Variants in ENTREP1 observed in about 807,000 individuals in gnomAD.
ENTREP1 encodes Friedreich ataxia region gene X123.
the ENTREP1 span, among the ~76,000 whole-genome samples, chr9:69,340,733 G>A: frequency 0.6 from 70,647 of 117,904 alleles, 21,402 homozygotes; most frequent in African/African-American, 0.68. Context: ...ATGTGTGTGT[G>A]TATGTGTGTG....
At chr9:69,388,177 T>G in the ENTREP1 span, 1 of 1,614,044 alleles carries the variant, frequency 6.2e-7, no homozygotes, top group South Asian at 1.1e-5. Flanking sequence ...TGCTCAGCTG[T>G]GAAGCTGCAA....
the ENTREP1 span, among the ~76,000 whole-genome samples, chr9:69,365,384 G>T: frequency 6.6e-6 from 1 of 152,018 alleles, no homozygotes; most frequent in Non-Finnish European, 1.5e-5. Context: ...TTAAAAAATT[G>T]ATACATAATA....
the ENTREP1 span, among the ~76,000 whole-genome samples, chr9:69,327,467 A>G: frequency 6.6e-6 from 1 of 152,180 alleles, no homozygotes; most frequent in Admixed American, 6.5e-5. Flanking sequence ...ATCATAATCT[A>G]TTGTCTTCTC....
chr9:69,384,185 C>T, the ENTREP1 span, among the ~76,000 whole-genome samples: 1 of 144,372 alleles, frequency 6.9e-6, no homozygotes, highest in South Asian at 2.3e-4. Context: ...TGGAGAGAGA[C>T]CCTATTTCTA....
At chr9:69,367,933 G>A in the ENTREP1 span, among the ~76,000 whole-genome samples, 6 of 141,262 alleles carry the variant, frequency 4.2e-5, no homozygotes, top group Admixed American at 1.5e-4. Context: ...ATATATACAC[G>A]TACATATATG....
chr9:69,330,250 G>C, the ENTREP1 span, among the ~76,000 whole-genome samples: 1 of 152,168 alleles, frequency 6.6e-6, no homozygotes, highest in Non-Finnish European at 1.5e-5. Flanking sequence ...TGAAAGAGGA[G>C]AGAGAGTTGC....
the ENTREP1 span, chr9:69,385,866 C>G: frequency 6.2e-7 from 1 of 1,610,014 alleles, no homozygotes; most frequent in African/African-American, 1.4e-5. Flanking sequence ...CCTGGTGCGT[C>G]CTATCAGAAG....
At chr9:69,347,474 A>G in the ENTREP1 span, among the ~76,000 whole-genome samples, 1 of 152,224 alleles carries the variant, frequency 6.6e-6, no homozygotes, top group African/African-American at 2.4e-5. Context: ...AAAAAGGGAA[A>G]CAGAGCAGAT....
the ENTREP1 span, among the ~76,000 whole-genome samples, chr9:69,355,277 C>T: frequency 2.6e-5 from 4 of 152,266 alleles, no homozygotes; most frequent in East Asian, 1.9e-4. Flanking sequence ...ATCATTTGTT[C>T]GGTCACTCAG....
the ENTREP1 span, among the ~76,000 whole-genome samples, chr9:69,372,142 T>C: frequency 6.6e-6 from 1 of 152,178 alleles, no homozygotes; most frequent in East Asian, 1.9e-4. Flanking sequence ...GAGTAAGAGG[T>C]TGTGGACTTG....
chr9:69,354,071 T>G, the ENTREP1 span, among the ~76,000 whole-genome samples: 1 of 152,020 alleles, frequency 6.6e-6, no homozygotes, highest in Admixed American at 6.6e-5. Context: ...TCCTTAAATA[T>G]TTTAGTATAT....
At chr9:69,386,573 TAAAG>T in the ENTREP1 span, 3 of 152,146 alleles carry the variant, frequency 2.0e-5, no homozygotes, top group African/African-American at 4.8e-5. Flanking sequence ...TTATAAAAAA[TAAAG>T]AAACTAAAGG....
At chr9:69,374,394 C>T in the ENTREP1 span, among the ~76,000 whole-genome samples, 1 of 152,000 alleles carries the variant, frequency 6.6e-6, no homozygotes, top group Non-Finnish European at 1.5e-5. Context: ...CTGGATGATG[C>T]GGTGCTAAAG....
the ENTREP1 span, among the ~76,000 whole-genome samples, chr9:69,337,903 ATTG>A: frequency 6.6e-6 from 1 of 152,198 alleles, no homozygotes; most frequent in Admixed American, 6.5e-5. Context: ...TCTGAAACAG[ATTG>A]TTGTTTGCTA....
chr9:69,373,901 T>C, the ENTREP1 span, among the ~76,000 whole-genome samples: 1 of 152,206 alleles, frequency 6.6e-6, no homozygotes, highest in African/African-American at 2.4e-5. Flanking sequence ...TTGACAAATG[T>C]ATACACTCAT....
chr9:69,326,643 T>A, the ENTREP1 span, among the ~76,000 whole-genome samples: 1 of 152,220 alleles, frequency 6.6e-6, no homozygotes, highest in Admixed American at 6.5e-5. Flanking sequence ...TTCTGGGTGT[T>A]GAGAGACTTG....
chr9:69,377,820 C>T, the ENTREP1 span: 131 of 1,431,660 alleles, frequency 9.2e-5, no homozygotes, highest in Non-Finnish European at 1.2e-4. Flanking sequence ...CCAGAACTCA[C>T]CACATGAGAT....
chr9:69,383,290 A>AC, the ENTREP1 span: 1 of 748,764 alleles, frequency 1.3e-6, no homozygotes, highest in Non-Finnish European at 1.7e-6. Context: ...CTTCAGAGAG[A>AC]CCCCATACCC....
the ENTREP1 span, among the ~76,000 whole-genome samples, chr9:69,369,335 T>C: frequency 1.3e-5 from 2 of 152,156 alleles, no homozygotes; most frequent in African/African-American, 4.8e-5. Context: ...TATAATCCTT[T>C]GGGTATATAC....
Sources: gnomAD v4.1 joint callset for allele counts (sites outside exome capture counted in the v4.1 genomes callset) on GRCh38, gnomAD v4.1.1 for gene constraint, MANE v1.5 for transcripts, NCBI Gene and HGNC (gene_info 2026-07-23, HGNC 2026-07-21) for gene names.